Variants in PARD3B observed in about 807,000 individuals in gnomAD.
PARD3B encodes partitioning defective 3 homolog B.
In PARD3B, 103 loss-of-function variants were observed where a neutral mutation model predicts 130.2. The ratio of observed to expected loss-of-function variants is 0.79; its 90% CI spans 0.67 to 0.93. PARD3B has a LOEUF of 0.93. Ranked by LOEUF, PARD3B falls within the 40% of genes least tolerant of loss-of-function variation. The probability of loss-of-function intolerance (pLI) is 0.00; values close to 1 mark genes in which losing one functional copy is unlikely to be tolerated. For synonymous variants in PARD3B, 583 were observed against 553.2 expected (o/e 1.05, Z -0.76); for missense variants, 1,609 against 1,499.2 (o/e 1.07, Z -1.21).
At chr2:205,318,496 G>T (rs1005157319) in intron 18 of PARD3B, among the ~76,000 whole-genome samples, 1 of 152,086 alleles carries the variant, frequency 6.6e-6, no homozygotes, top group African/African-American at 2.4e-5. Context: ...AGGTTAACTA[G>T]AACTTGCTAC....
rs947543153 is a variant in PARD3B at position 205,405,363 on chromosome 2, C to T, written c.2741+4240C>T. ...ACAGGACAGCTACCCTCCCCCACAA[C>T]ATGAATCATCCAACCCAAAATGTCA... On this transcript the variant is annotated intron_variant, in intron 19 of 22. Coordinates refer to ENST00000406610, the MANE Select transcript of PARD3B (RefSeq NM_001302769.2). The surrounding 1 kb of genome is among the most constrained non-coding windows in gnomAD (Gnocchi z 4.1). Among the ~76,000 whole-genome samples the T allele has an allele frequency of 2.0e-5, 3 of 152,160 alleles. No homozygotes were observed. The highest frequency in any genetic ancestry group is 4.4e-5 in the Non-Finnish European group (3 of 68,022).
chr2:205,026,308 C>T (rs973697153), intron 3 of PARD3B, among the ~76,000 whole-genome samples: 1 of 152,086 alleles, frequency 6.6e-6, no homozygotes, highest in African/African-American at 2.4e-5. Flanking sequence ...AGGGTGGCTG[C>T]AGTGTAGTGG....
chr2:205,188,962 A>C (rs778723291), intron 14 of PARD3B, among the ~76,000 whole-genome samples: 1 of 152,232 alleles, frequency 6.6e-6, no homozygotes, highest in Non-Finnish European at 1.5e-5. Context: ...TTTTACTATT[A>C]TGCAATGATT....
intron 1 of PARD3B, among the ~76,000 whole-genome samples, chr2:204,561,042 C>G (rs558879197): frequency 6.6e-6 from 1 of 151,956 alleles, no homozygotes; most frequent in Non-Finnish European, 1.5e-5. Flanking sequence ...GCTGGGGTTC[C>G]GAGATAACTA....
At chr2:205,597,448 T>C (rs999718966) in intron 22 of PARD3B, among the ~76,000 whole-genome samples, 1 of 152,204 alleles carries the variant, frequency 6.6e-6, no homozygotes, top group African/African-American at 2.4e-5. Flanking sequence ...CTGGGTTGAT[T>C]CTATGTCTTT....
intron 3 of PARD3B, among the ~76,000 whole-genome samples, chr2:204,987,025 G>A (rs2125228512): frequency 6.6e-6 from 1 of 152,022 alleles, no homozygotes; most frequent in East Asian, 1.9e-4. Context: ...AGTGTCTAAG[G>A]GACTCTCTCG....
intron 18 of PARD3B, among the ~76,000 whole-genome samples, chr2:205,334,915 A>G (rs1049926483): frequency 1.4e-4 from 22 of 152,200 alleles, no homozygotes; most frequent in Admixed American, 3.9e-4. Flanking sequence ...TGGTGATACA[A>G]TTGACACATT....
chr2:205,147,666 C>T (rs1017913804), intron 10 of PARD3B, among the ~76,000 whole-genome samples: 2 of 152,126 alleles, frequency 1.3e-5, no homozygotes, highest in South Asian at 2.1e-4. Flanking sequence ...TTGTCTCACT[C>T]ATATCTGTCG....
At chr2:205,133,391 T>TGG (rs1435966026) in intron 10 of PARD3B, among the ~76,000 whole-genome samples, 7 of 152,230 alleles carry the variant, frequency 4.6e-5, no homozygotes, top group Admixed American at 3.9e-4. Context: ...TGGCATCACT[T>TGG]GGGGATTTGG....
chr2:205,299,719 A>G (rs1408780735), intron 16 of PARD3B, among the ~76,000 whole-genome samples: 1 of 152,156 alleles, frequency 6.6e-6, no homozygotes, highest in Non-Finnish European at 1.5e-5. Flanking sequence ...CACAAATGAA[A>G]AACATTATAT....
chr2:204,779,036 C>T (rs2041741858), intron 2 of PARD3B, among the ~76,000 whole-genome samples: 1 of 152,150 alleles, frequency 6.6e-6, no homozygotes, highest in Admixed American at 6.5e-5. Flanking sequence ...TTATATTCAT[C>T]CTTCTAGGTG....
chr2:204,622,174 C>G (rs932795364), intron 1 of PARD3B, among the ~76,000 whole-genome samples: 3 of 152,134 alleles, frequency 2.0e-5, no homozygotes, highest in Non-Finnish European at 4.4e-5. Flanking sequence ...CTTGAGCATG[C>G]CTCTCATTGT....
At chr2:204,968,724 TTAAAACAGTACAGTAGGCTTACAG>T (rs1301418775) in intron 3 of PARD3B, among the ~76,000 whole-genome samples, 2 of 152,220 alleles carry the variant, frequency 1.3e-5, no homozygotes, top group African/African-American at 4.8e-5. Context: ...GTCCAAATCT[TTAAAACAGTACAGTAGGCTTACAG>T]TAAGTATTAT....
chr2:204,609,670 T>C (rs529581286), intron 1 of PARD3B, among the ~76,000 whole-genome samples: 2 of 152,182 alleles, frequency 1.3e-5, no homozygotes, highest in East Asian at 3.9e-4. Context: ...TAAGGGGAGT[T>C]ATATAGTCCA....
At chr2:205,304,348 A>C (rs2042114519) in intron 18 of PARD3B, among the ~76,000 whole-genome samples, 2 of 152,078 alleles carry the variant, frequency 1.3e-5, no homozygotes, top group African/African-American at 2.4e-5. Flanking sequence ...TAAAAAACAA[A>C]ATTTTGGCCA....
chr2:205,303,807 T>G (rs2042095328), intron 18 of PARD3B, among the ~76,000 whole-genome samples: 1 of 152,208 alleles, frequency 6.6e-6, no homozygotes, highest in Non-Finnish European at 1.5e-5. Context: ...ATTATACAAT[T>G]ACCTCCAAAT....
rs1187731108 is a variant in PARD3B, at chr2:205,503,348, A to G, written c.3180+3317A>G. Among the ~76,000 whole-genome samples, 5 of 151,848 alleles carry G rather than the reference A, an allele frequency of 3.3e-5. No individual in the cohort carries two copies. The South Asian group carries it at 8.3e-4, about 25-fold the overall frequency. On this transcript the variant is annotated intron_variant, in intron 21 of 22. Transcript: ENST00000406610. Reference sequence around the variant, plus strand: ...TTGGAGACAGAGTGCTAGGAAAACTATAGAGACATTTTGGGAGTTGCCTCA... The same window carrying G: ...TTGGAGACAGAGTGCTAGGAAAACTGTAGAGACATTTTGGGAGTTGCCTCA...
rs1435205028 is a variant in PARD3B, at chr2:205,592,216, C to G, written c.3261-23240C>G. On this transcript the variant is annotated intron_variant, in intron 22 of 22. Transcript: ENST00000406610. The surrounding 1 kb of genome is among the most constrained non-coding windows in gnomAD (Gnocchi z 4.5). ...TGGAACTTGAACCCAGGTGTTTTGC[C>G]TCAGAGCCCAGTGCTCTTGTTTACT... is the stretch of plus-strand genomic sequence containing the variant. 6.6e-6 allele frequency among the ~76,000 whole-genome samples: 1 copy of G among 152,206 alleles called. No homozygotes were observed. Among genetic ancestry groups the G allele is most frequent in the Non-Finnish European group, 1.5e-5 (1 of 68,042 alleles).
intron 2 of PARD3B, among the ~76,000 whole-genome samples, chr2:204,828,044 G>A (rs1218211875): frequency 1.1e-5 from 1 of 89,008 alleles, no homozygotes; most frequent in African/African-American, 1.4e-4. Flanking sequence ...CATCTGCCCC[G>A]GTCCAGTGTA....
Sources: gnomAD v4.1 joint callset for allele counts (sites outside exome capture counted in the v4.1 genomes callset) on GRCh38, gnomAD v4.1.1 for gene constraint, Gnocchi (gnomAD v3.1) non-coding constraint, MANE v1.5 for transcripts, NCBI Gene and HGNC (gene_info 2026-07-23, HGNC 2026-07-21) for gene names.